The following RAB30 variants were observed in gnomAD, a reference collection of about 807,000 sequenced individuals.
RAB30 encodes RAB30, member RAS oncogene family.
A neutral mutation model predicts 25.1 loss-of-function variants in RAB30; 9 were observed. The ratio of observed to expected loss-of-function variants is 0.36; its 90% CI spans 0.22 to 0.63. The LOEUF (loss-of-function observed/expected upper bound fraction) is 0.63. RAB30 is among the 20% of genes least tolerant of loss of function. The pLI, the probability that RAB30 is intolerant of heterozygous loss-of-function variation, is 0.69. For missense variants in RAB30, 140 were observed against 243.5 expected (o/e 0.58, Z 2.83); for synonymous variants, 77 against 86.4 (o/e 0.89, Z 0.60).
At chr11:83,049,974 G>A (rs942012180) in intron 1 of RAB30, among the ~76,000 whole-genome samples, 2 of 152,076 alleles carry the variant, frequency 1.3e-5, no homozygotes, top group African/African-American at 4.8e-5. Context: ...TTTTAATAAT[G>A]GGGCCAAGCA....
chr11:83,014,638 G>GAAAA (rs753693292), intron 1 of RAB30, among the ~76,000 whole-genome samples: 1 of 38,660 alleles, frequency 2.6e-5, no homozygotes, highest in Non-Finnish European at 5.4e-5. Context: ...GTAAGAAAAA[G>GAAAA]AAAGAAAGAA....
At chr11:83,012,132 C>T (rs1432581561) in intron 1 of RAB30, among the ~76,000 whole-genome samples, 2 of 152,134 alleles carry the variant, frequency 1.3e-5, no homozygotes, top group Non-Finnish European at 2.9e-5. Context: ...AGACTCTGTC[C>T]TCTGTTCTAA....
intron 1 of RAB30, among the ~76,000 whole-genome samples, chr11:83,068,424 G>A (rs1209444507): frequency 6.6e-6 from 1 of 151,858 alleles, no homozygotes; most frequent in Non-Finnish European, 1.5e-5. Context: ...CATTCACTCT[G>A]ACCAAGTCTT....
At chr11:83,006,098 T>C (rs554636604) in intron 1 of RAB30, among the ~76,000 whole-genome samples, 21 of 152,146 alleles carry the variant, frequency 1.4e-4, no homozygotes, top group Non-Finnish European at 2.2e-4. Context: ...GGTGACACTA[T>C]GGAGAAATGG....
intron 1 of RAB30, among the ~76,000 whole-genome samples, chr11:83,020,234 A>G (rs1486704031): frequency 2.0e-5 from 3 of 152,332 alleles, no homozygotes; most frequent in African/African-American, 7.2e-5. Flanking sequence ...GGGGTCCAGG[A>G]AGGCCCCCGC....
rs929783274 is a variant in RAB30, at chr11:82,976,651, G to C, written c.*5514C>G. 6.6e-6 allele frequency: 1 copy of C among 152,112 alleles called. No homozygotes were observed. The highest frequency in any genetic ancestry group is 2.4e-5 in the African/African-American group (1 of 41,406). 9.4% of individuals were successfully genotyped at this position (152,112 alleles called of 1,614,324 possible). Reference sequence around the variant, plus strand: ...TTGTGCTCTGACCTCTTGTCCAAAGGAGTCCAAGAAAGTCTCAATCAAACT... The same window carrying C: ...TTGTGCTCTGACCTCTTGTCCAAAGCAGTCCAAGAAAGTCTCAATCAAACT... On this transcript the variant is annotated 3_prime_UTR_variant, in exon 5 of 5. Coordinates refer to ENST00000527633, the MANE Select transcript of RAB30 (RefSeq NM_001286060.2).
chr11:83,066,760 C>A (rs10898074), intron 1 of RAB30, among the ~76,000 whole-genome samples: 22,806 of 152,210 alleles, frequency 0.15, 1,821 homozygotes, highest in Middle Eastern at 0.23. Flanking sequence ...CCATGTTGGC[C>A]ACGCTGGCCT....
intron 1 of RAB30, among the ~76,000 whole-genome samples, chr11:83,023,824 G>T (rs964397538): frequency 2.0e-5 from 3 of 152,112 alleles, no homozygotes; most frequent in African/African-American, 7.2e-5. Context: ...TCACCTCCAT[G>T]CTTCAGCCCA....
At chr11:82,982,510 G>C (rs1590831170) in intron 4 of RAB30, 95 bp from the exon 5 acceptor site, 2 of 1,311,262 alleles carry the variant, frequency 1.5e-6, no homozygotes, top group East Asian at 4.6e-5. Context: ...AGTCAAGCCA[G>C]ACAGATGGGC....
chr11:82,987,930 A>AGCACTCC (rs1856771828), intron 3 of RAB30, among the ~76,000 whole-genome samples, 160 bp from the exon 4 acceptor site: 1 of 121,994 alleles, frequency 8.2e-6, no homozygotes, highest in Non-Finnish European at 1.7e-5. Flanking sequence ...AAAAAAAAAA[A>AGCACTCC]AAAGCACTGA....
At chr11:83,047,491 T>C (rs1858257668) in intron 1 of RAB30, among the ~76,000 whole-genome samples, 1 of 152,260 alleles carries the variant, frequency 6.6e-6, no homozygotes, top group African/African-American at 2.4e-5. Flanking sequence ...TTTCCCTCTA[T>C]TGTTGTTAAA....
chr11:83,048,987 T>A (rs1029601244), intron 1 of RAB30, among the ~76,000 whole-genome samples: 1 of 152,124 alleles, frequency 6.6e-6, no homozygotes, highest in African/African-American at 2.4e-5. Context: ...AAGAACCACA[T>A]GGTTAAAAAG....
At chr11:83,014,513 T>C (rs1857371744) in intron 1 of RAB30, among the ~76,000 whole-genome samples, 1 of 151,438 alleles carries the variant, frequency 6.6e-6, no homozygotes, top group African/African-American at 2.4e-5. Flanking sequence ...GCCAGTGCAC[T>C]CCAATCAAGG....
chr11:83,011,185 G>A (rs1030133526), intron 1 of RAB30, among the ~76,000 whole-genome samples: 1 of 152,124 alleles, frequency 6.6e-6, no homozygotes, highest in African/African-American at 2.4e-5. Flanking sequence ...CACAGAAAAG[G>A]GAAAAATAAA....
At chr11:82,989,448 G>A (rs12290157) in intron 3 of RAB30, among the ~76,000 whole-genome samples, 2,883 of 152,280 alleles carry the variant, frequency 0.019, 84 homozygotes, top group African/African-American at 0.065. Flanking sequence ...TGATACACAT[G>A]AAAGCCTGTG....
chr11:83,029,885 T>A (rs911276330), intron 1 of RAB30, among the ~76,000 whole-genome samples: 1 of 152,216 alleles, frequency 6.6e-6, no homozygotes, highest in Non-Finnish European at 1.5e-5. Context: ...ATAATGTCTT[T>A]TGCAGCAACT....
At position 82,978,839 on chromosome 11, in the gene RAB30, T is replaced by C. The variant is rs917218353; in HGVS notation, c.*3326A>G. On this transcript the variant is annotated 3_prime_UTR_variant, in exon 5 of 5. Coordinates refer to ENST00000527633, the MANE Select transcript of RAB30 (RefSeq NM_001286060.2). Reference sequence around the variant, plus strand: ...TAATCCTCATCCAAATATCTTATTTTGGCCAATCGTTTCTACCTTCCTTAT... The same window carrying C: ...TAATCCTCATCCAAATATCTTATTTCGGCCAATCGTTTCTACCTTCCTTAT... 28 of 152,368 alleles carry C rather than the reference T, an allele frequency of 1.8e-4. No homozygotes were observed. Among genetic ancestry groups the C allele is most frequent in the African/African-American group, 6.7e-4 (28 of 41,592 alleles). The allele number at this position is 152,368 out of a possible 1,614,324, so 9.4% of individuals were successfully genotyped here.
chr11:83,022,206 T>C (rs1414172191), intron 1 of RAB30, among the ~76,000 whole-genome samples: 1 of 152,136 alleles, frequency 6.6e-6, no homozygotes, highest in East Asian at 1.9e-4. Flanking sequence ...TTGCTCAGGC[T>C]GGAATCCAGT....
At chr11:83,056,097 A>G (rs1858453730) in intron 1 of RAB30, among the ~76,000 whole-genome samples, 1 of 152,240 alleles carries the variant, frequency 6.6e-6, no homozygotes, top group Admixed American at 6.5e-5. Context: ...CATGAAGTAT[A>G]TTCACATTGA....
Sources: gnomAD v4.1 joint callset for allele counts (sites outside exome capture counted in the v4.1 genomes callset) on GRCh38, gnomAD v4.1.1 for gene constraint, MANE v1.5 for transcripts, NCBI Gene and HGNC (gene_info 2026-07-23, HGNC 2026-07-21) for gene names.